ADAM17: variants seen among roughly 807,000 people sequenced by gnomAD.
The protein encoded by ADAM17 is ADAM metallopeptidase domain 17.
In ADAM17, 39 loss-of-function variants were observed where a neutral mutation model predicts 96.7. That is an observed-to-expected ratio of 0.40 (90% CI 0.31 to 0.53). The LOEUF (loss-of-function observed/expected upper bound fraction) is 0.53, where lower values mean the gene tolerates loss of function less well. ADAM17 is among the 20% of genes least tolerant of loss of function. ADAM17 has a pLI of 0.44. For missense variants in ADAM17, 777 were observed against 1,013.2 expected (o/e 0.77, Z 3.17); for synonymous variants, 344 against 359.2 (o/e 0.96, Z 0.48).
At chr2:9,553,930 C>A (rs569170672) in intron 1 of ADAM17, among the ~76,000 whole-genome samples, 1 of 151,886 alleles carries the variant, frequency 6.6e-6, no homozygotes, top group East Asian at 2.0e-4. Context: ...GGCGTGGTGG[C>A]ACATGCCTGT....
chr2:9,496,959 G>C (rs961194797), intron 14 of ADAM17, among the ~76,000 whole-genome samples, 155 bp downstream of exon 14: 1 of 152,200 alleles, frequency 6.6e-6, no homozygotes, highest in African/African-American at 2.4e-5. Flanking sequence ...AGAGATGCCT[G>C]TCTCCAGACA....
intron 10 of ADAM17, among the ~76,000 whole-genome samples, chr2:9,514,055 A>G (rs1030883659): frequency 6.6e-6 from 1 of 151,884 alleles, no homozygotes; most frequent in Non-Finnish European, 1.5e-5. Context: ...AAAGATTCCC[A>G]AAAGCTAATT....
chr2:9,542,032 T>G (rs983779226), intron 2 of ADAM17, among the ~76,000 whole-genome samples: 11 of 152,272 alleles, frequency 7.2e-5, no homozygotes, highest in South Asian at 2.1e-4. Flanking sequence ...AGAGCAAGAC[T>G]CTCAAAAAAA....
chr2:9,491,119 C>T lies in ADAM17; in HGVS notation c.2115G>A (p.Leu705=), dbSNP rs764926423. 9 of 1,613,206 alleles carry T rather than the reference C, an allele frequency of 5.6e-6. No individual in the cohort carries two copies. Among genetic ancestry groups the T allele is most frequent in the Admixed American group, 1.7e-5 (1 of 59,972 alleles). ...DKKLDKQYES[L]SLFHPSNVEM... ...TACTTACACTGGGGTGAAACAGAGA[C>T]AGAGATTCATACTGTTTATCCAATT... is the stretch of plus-strand genomic sequence containing the variant. The change falls in exon 18 of 19, where the codon CTG becomes CTA. Residue 705 remains leucine (L), a synonymous_variant. Coordinates refer to ENST00000310823, the MANE Select transcript of ADAM17 (RefSeq NM_003183.6).
intron 12 of ADAM17, among the ~76,000 whole-genome samples, chr2:9,503,732 G>A (rs1320173496): frequency 6.6e-6 from 1 of 151,960 alleles, no homozygotes. Context: ...CAGCTACTGG[G>A]GAGGCTGAGG....
intron 4 of ADAM17, 68 bp downstream of exon 4, chr2:9,535,766 C>T: frequency 2.0e-6 from 2 of 1,023,328 alleles, no homozygotes; most frequent in Non-Finnish European, 2.9e-6. Flanking sequence ...TTCACCTTTG[C>T]AGAACTGAGC....
At chr2:9,545,131 G>T (rs1043106610) in intron 1 of ADAM17, among the ~76,000 whole-genome samples, 3 of 152,258 alleles carry the variant, frequency 2.0e-5, no homozygotes, top group South Asian at 2.1e-4. Context: ...CAAACCAGCA[G>T]CATCATCATC....
chr2:9,502,320 GC>G (rs753860824), intron 12 of ADAM17, 44 bp from the exon 13 acceptor site: 2 of 1,502,768 alleles, frequency 1.3e-6, no homozygotes, highest in African/African-American at 2.8e-5. Context: ...TCAAATTATG[GC>G]CCCATATCAA....
At position 9,490,486 on chromosome 2, in the gene ADAM17, T is replaced by C. The variant is rs961226647; in HGVS notation, c.2166A>G (p.Ala722=). 6 of 1,613,962 alleles carry C rather than the reference T, an allele frequency of 3.7e-6. No individual in the cohort carries two copies. The highest frequency in any genetic ancestry group is 4.2e-6 in the Non-Finnish European group (5 of 1,179,882). Residue 722 remains alanine, a synonymous_variant, in exon 19 of 19, where the codon GCA becomes GCG. Coordinates refer to ENST00000310823, the MANE Select transcript of ADAM17 (RefSeq NM_003183.6). ...GAAAGGGTTTGATAATGCGAACCGA[T>C]GCAGAATCCATGCTGCTCAGCATTT... The part of the protein sequence containing the change: ...NVEMLSSMDS[A]SVRIIKPFPA...
chr2:9,501,101 A>C (rs2124988265), intron 13 of ADAM17, among the ~76,000 whole-genome samples: 1 of 152,314 alleles, frequency 6.6e-6, no homozygotes, highest in South Asian at 2.1e-4. Flanking sequence ...AACTCCTCCA[A>C]ATTCACAGTA....
chr2:9,519,322 CT>C (rs1345378232), intron 8 of ADAM17, among the ~76,000 whole-genome samples: 1 of 152,150 alleles, frequency 6.6e-6, no homozygotes, highest in Non-Finnish European at 1.5e-5. Context: ...TAAGAATATT[CT>C]AGGAGGCTTA....
chr2:9,519,716 A>G (rs1166772183), intron 8 of ADAM17, among the ~76,000 whole-genome samples: 1 of 152,186 alleles, frequency 6.6e-6, no homozygotes. Context: ...AGATCAGAAT[A>G]TACACACACA....
At chr2:9,502,301 C>G (rs747234263) in intron 12 of ADAM17, 25 bp from the exon 13 acceptor site, 4 of 1,568,920 alleles carry the variant, frequency 2.5e-6, no homozygotes, top group Non-Finnish European at 3.5e-6. Context: ...CAGACAGGAA[C>G]AGAGCAATTC....
Position 9,502,291 on chromosome 2 carries a change from C to T in ADAM17, c.1545-15G>A. 1.3e-6 allele frequency: 2 copies of T among 1,582,730 alleles called. No homozygotes were observed. Among genetic ancestry groups the T allele is most frequent in the Non-Finnish European group, 1.7e-6 (2 of 1,152,912 alleles). On this transcript the variant is annotated splice_polypyrimidine_tract_variant and intron_variant, in intron 12 of 18. Transcript: ENST00000310823. ...TGTTCCTGTCACTGGAGAAGAACAG[C>T]AGACAGGAACAGAGCAATTCAAATT...
chr2:9,542,990 A>G (rs1239545115), intron 2 of ADAM17, among the ~76,000 whole-genome samples, 163 bp downstream of exon 2: 2 of 152,224 alleles, frequency 1.3e-5, no homozygotes, highest in African/African-American at 2.4e-5. Context: ...GAGCCACTGC[A>G]CCCAGCCCCA....
At chr2:9,549,008 T>A (rs1366327520) in intron 1 of ADAM17, among the ~76,000 whole-genome samples, 5 of 152,236 alleles carry the variant, frequency 3.3e-5, no homozygotes, top group Admixed American at 3.3e-4. Context: ...TGACATAAAG[T>A]ATATCCATAT....
intron 10 of ADAM17, among the ~76,000 whole-genome samples, chr2:9,511,733 G>A (rs552070951): frequency 1.2e-4 from 18 of 152,260 alleles, no homozygotes; most frequent in East Asian, 7.7e-4. Flanking sequence ...CACTTTGGGA[G>A]GCCAAGGCAG....
intron 1 of ADAM17, among the ~76,000 whole-genome samples, chr2:9,545,758 A>G (rs796492114): frequency 4.6e-5 from 7 of 152,278 alleles, no homozygotes; most frequent in African/African-American, 1.7e-4. Context: ...AAGACAGGGG[A>G]AAAAATCTGC....
At chr2:9,551,723 T>C (rs1038961963) in intron 1 of ADAM17, among the ~76,000 whole-genome samples, 4 of 152,158 alleles carry the variant, frequency 2.6e-5, no homozygotes, top group Admixed American at 1.3e-4. Context: ...CCTCCCAAAG[T>C]GCTGGGATTA....
Sources: gnomAD v4.1 joint callset for allele counts (sites outside exome capture counted in the v4.1 genomes callset) on GRCh38, gnomAD v4.1.1 for gene constraint, MANE v1.5 for transcripts, NCBI Gene and HGNC (gene_info 2026-07-23, HGNC 2026-07-21) for gene names.